The following MMS22L variants were observed in gnomAD, a reference collection of about 807,000 sequenced individuals.
MMS22L encodes MMS22 like, DNA repair protein, also known as protein MMS22-like.
MMS22L carries 74 observed loss-of-function variants against 159.1 expected under a neutral mutation model. The ratio of observed to expected loss-of-function variants is 0.47; its 90% CI spans 0.39 to 0.56. MMS22L has a LOEUF of 0.56. Ranked by LOEUF, MMS22L falls within the 20% of genes least tolerant of loss-of-function variation. The pLI is 0.00. For synonymous variants in MMS22L, 517 were observed against 506.9 expected (o/e 1.02, Z -0.27); for missense variants, 1,351 against 1,422.1 (o/e 0.95, Z 0.80).
chr6:97,251,438 CTA>C (rs781624944), intron 10 of MMS22L, among the ~76,000 whole-genome samples: 16 of 152,122 alleles, frequency 1.1e-4, no homozygotes, highest in Non-Finnish European at 2.1e-4. Flanking sequence ...CTAATGAAAA[CTA>C]TTATTAACTA....
At chr6:97,258,446 G>T (rs774498465) in intron 9 of MMS22L, among the ~76,000 whole-genome samples, 13 of 152,100 alleles carry the variant, frequency 8.5e-5, no homozygotes, top group Non-Finnish European at 1.6e-4. Flanking sequence ...TGTGTATATT[G>T]TTACTCAGTA....
chr6:97,167,876 T>TAA (rs150348128), intron 20 of MMS22L, among the ~76,000 whole-genome samples, 195 bp downstream of exon 20: 2,875 of 152,282 alleles, frequency 0.019, 79 homozygotes, highest in African/African-American at 0.066. Flanking sequence ...CTCTCAACTT[T>TAA]AAGCTCCTCT....
chr6:97,267,642 TA>T (rs58513290), intron 8 of MMS22L: 60,785 of 191,196 alleles, frequency 0.32, 6,257 homozygotes, highest in East Asian at 0.61. Context: ...CTATTTTTCT[TA>T]AAAAAAAAAA....
At chr6:97,279,701 G>A (rs542320320) in intron 3 of MMS22L, among the ~76,000 whole-genome samples, 6 of 150,760 alleles carry the variant, frequency 4.0e-5, no homozygotes, top group Non-Finnish European at 7.4e-5. Flanking sequence ...GCAAAGAAGC[G>A]CTTAAACTCG....
intron 8 of MMS22L, chr6:97,266,921 A>G (rs1815181149): frequency 6.6e-6 from 1 of 152,182 alleles, no homozygotes. Context: ...CAACATGATG[A>G]CTACAGTTAA....
intron 11 of MMS22L, among the ~76,000 whole-genome samples, chr6:97,237,241 T>C (rs1811518259): frequency 6.6e-6 from 1 of 152,200 alleles, no homozygotes; most frequent in Non-Finnish European, 1.5e-5. Context: ...AGTTCGATTA[T>C]ACCCAATAAC....
intron 11 of MMS22L, among the ~76,000 whole-genome samples, chr6:97,240,826 C>T (rs1055421341): frequency 8.6e-5 from 13 of 151,908 alleles, no homozygotes; most frequent in African/African-American, 2.7e-4. Context: ...AGAGTTTCAC[C>T]ATGTTGGCCA....
At chr6:97,189,630 C>G (rs930424803) in intron 14 of MMS22L, among the ~76,000 whole-genome samples, 1 of 133,456 alleles carries the variant, frequency 7.5e-6, no homozygotes, top group Non-Finnish European at 1.6e-5. Flanking sequence ...AATTTTAAAG[C>G]TATAGATTAC....
chr6:97,165,721 G>A (rs529986806), intron 20 of MMS22L, among the ~76,000 whole-genome samples: 1 of 152,208 alleles, frequency 6.6e-6, no homozygotes, highest in East Asian at 1.9e-4. Context: ...GGAAGACAAA[G>A]GCAGATTCTT....
At chr6:97,263,076 GAAC>G (rs745497286) in intron 9 of MMS22L, among the ~76,000 whole-genome samples, 1 of 151,878 alleles carries the variant, frequency 6.6e-6, no homozygotes, top group Non-Finnish European at 1.5e-5. Context: ...ATTTCTGATA[GAAC>G]AACAACAACA....
At chr6:97,216,976 T>C (rs571536837) in intron 14 of MMS22L, among the ~76,000 whole-genome samples, 7 of 152,344 alleles carry the variant, frequency 4.6e-5, no homozygotes, top group African/African-American at 1.7e-4. Flanking sequence ...ACAGAGTATA[T>C]TTATTTTTTC....
At chr6:97,282,113 C>T (rs1326603702) in intron 2 of MMS22L, among the ~76,000 whole-genome samples, 1 of 152,198 alleles carries the variant, frequency 6.6e-6, no homozygotes, top group Non-Finnish European at 1.5e-5. Flanking sequence ...AGGAAGTTTT[C>T]CCTAATACCC....
At chr6:97,257,487 T>C (rs1309965465) in intron 9 of MMS22L, among the ~76,000 whole-genome samples, 1 of 152,182 alleles carries the variant, frequency 6.6e-6, no homozygotes, top group Non-Finnish European at 1.5e-5. Flanking sequence ...AGGGTCTCAC[T>C]CTGTTGCCCA....
rs767213231 is a variant in MMS22L at position 97,162,068 on chromosome 6, T to C, written c.3319A>G (p.Ile1107Val). The C allele has an allele frequency of 1.9e-6, 3 of 1,612,196 alleles. No individual in the cohort carries two copies. Among genetic ancestry groups the C allele is most frequent in the African/African-American group, 1.3e-5 (1 of 74,760 alleles). ...GGGAGGAGTAGTTCAACTTCATAAA[T>C]GTCTGTGTTAGTTTCCTTGAAGAGT... The part of the protein sequence containing the change: ...LQLFKETNTD[I>V]YEVELLLPGI... The change falls in exon 22 of 25, where the codon ATT (isoleucine) becomes GTT (valine). Residue 1107 changes from isoleucine (I) to valine (V), a missense_variant. Transcript: ENST00000683635.
chr6:97,228,935 C>A lies in MMS22L; in HGVS notation c.1998G>T (p.Arg666Ser), dbSNP rs898355938. The A allele has an allele frequency of 8.7e-6, 14 of 1,613,938 alleles. No individual in the cohort carries two copies. The highest frequency in any genetic ancestry group is 1.7e-5 in the Admixed American group (1 of 59,984). The change falls in exon 14 of 25, where the codon AGG becomes AGT. Residue 666 changes from arginine (R) to serine (S), a missense_variant. Coordinates refer to ENST00000683635, the MANE Select transcript of MMS22L (RefSeq NM_001350599.2). ...LLRACRESELRTVLSFLQAVL... is the reference protein window; with the variant it reads ...LLRACRESELSTVLSFLQAVL... ...CAGCTTGTAGGAAGCTCAATACTGT[C>A]CTAAGTTCAGATTCTCGACATGCTC...
chr6:97,152,721 T>A (rs1353435839), intron 22 of MMS22L, among the ~76,000 whole-genome samples: 1 of 152,008 alleles, frequency 6.6e-6, no homozygotes, highest in East Asian at 1.9e-4. Context: ...ACACACAGCA[T>A]CCTTGCCTTT....
Position 97,272,765 on chromosome 6 carries a change from C to T in MMS22L, c.545G>A (p.Gly182Glu), listed in dbSNP as rs764738985. 2 of 1,613,948 alleles carry T rather than the reference C, an allele frequency of 1.2e-6. No homozygotes were observed. The highest frequency in any genetic ancestry group is 1.1e-5 in the South Asian group (1 of 91,070). The change falls in exon 6 of 25, where the codon GGA becomes GAA. Residue 182 changes from glycine (G) to glutamate (E), a missense_variant. Transcript: ENST00000683635. ...DELHGLLLYI[G>E]HLSELPSVNI... The stretch of plus-strand genomic sequence containing the variant: ...AACACTGGGAAGTTCAGATAGGTGT[C>T]CAATATACAAGAGTAATCCATGAAG...
At chr6:97,283,600 G>A (rs974247234), upstream of MMS22L, 7 of 152,210 alleles carry the variant, frequency 4.6e-5, no homozygotes, top group African/African-American at 1.7e-4. Flanking sequence ...TGGACTGTGA[G>A]GCAGGCAAGT....
chr6:97,201,273 TTTATA>T (rs1254880420), intron 14 of MMS22L, among the ~76,000 whole-genome samples: 2 of 152,178 alleles, frequency 1.3e-5, no homozygotes, highest in Non-Finnish European at 2.9e-5. Context: ...AGTGTTTTTC[TTTATA>T]AAGAAGGTAT....
Sources: gnomAD v4.1 joint callset for allele counts (sites outside exome capture counted in the v4.1 genomes callset) on GRCh38, gnomAD v4.1.1 for gene constraint, MANE v1.5 for transcripts, NCBI Gene and HGNC (gene_info 2026-07-23, HGNC 2026-07-21) for gene names.